UNC13C: variants seen among roughly 807,000 people sequenced by gnomAD.
UNC13C encodes protein unc-13 homolog C.
A neutral mutation model predicts 245.4 loss-of-function variants in UNC13C; 174 were observed. The observed-to-expected ratio is 0.71, with a 90% CI of 0.63 to 0.80. UNC13C has a LOEUF of 0.80. Ranked by LOEUF, UNC13C falls within the 30% of genes least tolerant of loss-of-function variation. The pLI is 0.00. For missense variants in UNC13C, 2,829 were observed against 2,602.9 expected (o/e 1.09, Z -1.89); for synonymous variants, 992 against 895.1 (o/e 1.11, Z -1.93).
At chr15:54,198,933 C>A (rs948311286) in intron 4 of UNC13C, among the ~76,000 whole-genome samples, 2 of 151,734 alleles carry the variant, frequency 1.3e-5, no homozygotes, top group Non-Finnish European at 2.9e-5. Context: ...TAACTTAAAT[C>A]AAAAATGTGA....
chr15:54,237,835 A>G (rs2035744505), intron 7 of UNC13C, 145 bp downstream of exon 7: 3 of 676,710 alleles, frequency 4.4e-6, no homozygotes, highest in South Asian at 3.8e-5. Context: ...CCTGACTCCA[A>G]ACAAACTTCC....
At chr15:54,544,163 C>A (rs1365988899) in intron 26 of UNC13C, among the ~76,000 whole-genome samples, 1 of 151,998 alleles carries the variant, frequency 6.6e-6, no homozygotes, top group Non-Finnish European at 1.5e-5. Context: ...TAAATGTAAT[C>A]CATCACATAA....
the UNC13C span, among the ~76,000 whole-genome samples, chr15:53,877,968 T>C: frequency 3.9e-5 from 6 of 152,342 alleles, no homozygotes; most frequent in African/African-American, 1.4e-4. Context: ...TATGTCTTGC[T>C]CTTTTTGTTC....
At chr15:54,571,735 C>T (rs939148107) in intron 30 of UNC13C, among the ~76,000 whole-genome samples, 2 of 152,212 alleles carry the variant, frequency 1.3e-5, no homozygotes, top group South Asian at 4.1e-4. Flanking sequence ...GGCACAGGCT[C>T]GGTCCTATGC....
At chr15:54,270,464 G>C (rs1261744244) in intron 10 of UNC13C, among the ~76,000 whole-genome samples, 1 of 152,070 alleles carries the variant, frequency 6.6e-6, no homozygotes, top group Non-Finnish European at 1.5e-5. Context: ...TGTGTTTTTT[G>C]AGGTAGATAC....
intron 2 of UNC13C, among the ~76,000 whole-genome samples, chr15:54,142,337 T>A (rs914776143): frequency 8.5e-5 from 13 of 152,168 alleles, no homozygotes; most frequent in Non-Finnish European, 1.6e-4. Flanking sequence ...AAACATTAGA[T>A]GTAAAGAGCA....
Position 54,494,692 on chromosome 15 carries a change from G to C in UNC13C, c.5018G>C (p.Arg1673Pro). The C allele has an allele frequency of 1.2e-6, 2 of 1,610,926 alleles. No individual in the cohort carries two copies. Among genetic ancestry groups the C allele is most frequent in the South Asian group, 1.1e-5 (1 of 90,406 alleles). ...KVKWFYNEYV[R>P]ELPAFKDAVP... is the part of the protein sequence containing the mutation. ...AAATGGTTTTATAATGAATATGTGC[G>C]TGAACTTCCTGCCTTCAAGGATGCT... Residue 1673 changes from arginine to proline, a missense_variant, in exon 20 of 33, where the codon CGT becomes CCT. Arg to Pro is a moderately radical substitution (Grantham distance 103). Transcript: ENST00000260323.
At position 54,620,785 on chromosome 15, in the gene UNC13C, C is replaced by CAA. The variant is rs34567553; in HGVS notation, c.6107-1527_6107-1526dup. Among the ~76,000 whole-genome samples the CAA allele has an allele frequency of 9.3e-3, 1,255 of 134,914 alleles. 19 individuals are homozygous for CAA. The highest frequency in any genetic ancestry group is 0.032 in the African/African-American group (1,171 of 36,218). The allele number at this position is 134,914 out of a possible 152,430, so 88.5% of individuals were successfully genotyped here. A position where few individuals can be genotyped will look rare whatever the true frequency, so the allele number is the denominator to read the frequency against. ...TGAGCAACAGAGCAAGACCCTGTCT[C>CAA]AAAAAAAAAAAAAAAACCTCTCTCC... On this transcript the variant is annotated intron_variant, in intron 30 of 32. Coordinates refer to ENST00000260323, the MANE Select transcript of UNC13C (RefSeq NM_001080534.3).
intron 10 of UNC13C, among the ~76,000 whole-genome samples, chr15:54,286,385 T>A (rs2037150348): frequency 6.6e-6 from 1 of 152,232 alleles, no homozygotes; most frequent in African/African-American, 2.4e-5. Flanking sequence ...CTTCATTAGA[T>A]CTAGCCCAAC....
chr15:53,934,838 G>C, the UNC13C span, among the ~76,000 whole-genome samples: 1 of 152,060 alleles, frequency 6.6e-6, no homozygotes, highest in Non-Finnish European at 1.5e-5. Context: ...TGGTCTCTGG[G>C]AGCCTCTTTT....
At chr15:54,525,670 G>C (rs1250063306) in intron 25 of UNC13C, 33 bp downstream of exon 25, 1 of 1,543,440 alleles carries the variant, frequency 6.5e-7, no homozygotes, top group East Asian at 2.3e-5. Context: ...ATCTAAATTA[G>C]ATAATTAGGT....
At chr15:54,139,053 G>A (rs1160683184) in intron 2 of UNC13C, among the ~76,000 whole-genome samples, 1 of 132,686 alleles carries the variant, frequency 7.5e-6, no homozygotes, top group Non-Finnish European at 1.5e-5. Context: ...TCCGCCTCCT[G>A]TGTTCAAGCG....
chr15:54,312,664 T>C (rs191358156), intron 13 of UNC13C, among the ~76,000 whole-genome samples: 44 of 151,766 alleles, frequency 2.9e-4, no homozygotes, highest in African/African-American at 1.0e-3. Flanking sequence ...CTTTAATGGA[T>C]ATAGAGTGAG....
intron 19 of UNC13C, among the ~76,000 whole-genome samples, chr15:54,463,231 T>C (rs1891955844): frequency 1.0e-5 from 1 of 99,272 alleles, no homozygotes; most frequent in Non-Finnish European, 1.9e-5. Context: ...GCCAATCGGC[T>C]CTCAGTAAAA....
At chr15:54,170,806 T>G (rs1256515942) in intron 4 of UNC13C, among the ~76,000 whole-genome samples, 1 of 152,156 alleles carries the variant, frequency 6.6e-6, no homozygotes, top group Non-Finnish European at 1.5e-5. Context: ...CCTCATTCTT[T>G]CGCAGATACC....
intron 18 of UNC13C, among the ~76,000 whole-genome samples, chr15:54,393,729 G>A (rs191744910): frequency 5.5e-4 from 84 of 151,870 alleles, no homozygotes; most frequent in African/African-American, 1.9e-3. Context: ...AGAAGAGACC[G>A]TAAAAATCCT....
chr15:54,148,103 T>C (rs141519453), intron 4 of UNC13C, among the ~76,000 whole-genome samples: 1 of 152,138 alleles, frequency 6.6e-6, no homozygotes, highest in African/African-American at 2.4e-5. Flanking sequence ...GTTGCAGAAG[T>C]GAAATAATGC....
At chr15:54,581,106 T>C (rs1898179915) in intron 30 of UNC13C, among the ~76,000 whole-genome samples, 1 of 152,132 alleles carries the variant, frequency 6.6e-6, no homozygotes, top group South Asian at 2.1e-4. Context: ...CAGATGAATC[T>C]AAAGATAAAG....
intron 1 of UNC13C, among the ~76,000 whole-genome samples, chr15:54,002,146 C>T (rs984509208): frequency 3.9e-5 from 6 of 152,078 alleles, no homozygotes; most frequent in African/African-American, 1.4e-4. Flanking sequence ...TATTAGCCGG[C>T]GTGGTGGCGG....
Sources: allele counts gnomAD v4.1 joint callset (sites outside exome capture counted in the v4.1 genomes callset), GRCh38; gene constraint gnomAD v4.1.1; transcripts MANE v1.5; gene names NCBI Gene and HGNC (gene_info 2026-07-23, HGNC 2026-07-21).